The following PRELID2 variants were observed in gnomAD, a reference collection of about 807,000 sequenced individuals.
The protein encoded by PRELID2 is PRELI domain containing 2, also known as PRELI domain-containing protein 2.
In PRELID2, 25 loss-of-function variants were observed where a neutral mutation model predicts 28.4. That is an observed-to-expected ratio of 0.88 (90% CI 0.64 to 1.23). The LOEUF is 1.23. PRELID2 is among the 50% of genes most tolerant of loss of function. The pLI is 0.00. For missense variants in PRELID2, 201 were observed against 214.4 expected, an observed-to-expected ratio of 0.94 and a Z score of 0.39; for synonymous variants, 76 against 71.6, an observed-to-expected ratio of 1.06 and a Z score of -0.31.
At chr5:145,676,853 T>C (rs1397622060) in intron 1 of PRELID2, among the ~76,000 whole-genome samples, 1 of 152,098 alleles carries the variant, frequency 6.6e-6, no homozygotes, top group Non-Finnish European at 1.5e-5. Flanking sequence ...TAGCAAAATT[T>C]AGACTACAAG....
the PRELID2 span, among the ~76,000 whole-genome samples, chr5:145,235,727 C>CAT: frequency 5.9e-5 from 9 of 152,064 alleles, no homozygotes; most frequent in Non-Finnish European, 8.8e-5. Context: ...TATGTGTGTA[C>CAT]ATAGGATAAG....
intron 5 of PRELID2, among the ~76,000 whole-genome samples, chr5:145,778,257 G>T (rs1161857890): frequency 6.6e-6 from 1 of 152,118 alleles, no homozygotes; most frequent in Non-Finnish European, 1.5e-5. Context: ...ATTATCAGCT[G>T]CAGAGGGGAG....
intron 1 of PRELID2, among the ~76,000 whole-genome samples, chr5:145,588,453 G>T (rs1561511822): frequency 6.6e-6 from 1 of 151,942 alleles, no homozygotes. Context: ...GTCCCAAATC[G>T]TACTTAAGTA....
chr5:145,388,041 A>C, the PRELID2 span, among the ~76,000 whole-genome samples: 1 of 152,166 alleles, frequency 6.6e-6, no homozygotes, highest in Non-Finnish European at 1.5e-5. Flanking sequence ...ATAAAACAGA[A>C]TTCCAAACAG....
At chr5:145,348,110 A>G in the PRELID2 span, among the ~76,000 whole-genome samples, 3 of 152,184 alleles carry the variant, frequency 2.0e-5, no homozygotes, top group Non-Finnish European at 4.4e-5. Flanking sequence ...CAAGGAATCC[A>G]TGATCAGTTA....
At chr5:145,544,241 C>T (rs1275326472) in intron 1 of PRELID2, among the ~76,000 whole-genome samples, 1 of 151,952 alleles carries the variant, frequency 6.6e-6, no homozygotes, top group Non-Finnish European at 1.5e-5. Flanking sequence ...TCACTCTCTG[C>T]CTATGGGAGA....
chr5:145,824,611 T>C (rs1036528234), intron 1 of PRELID2, among the ~76,000 whole-genome samples: 7 of 152,254 alleles, frequency 4.6e-5, no homozygotes, highest in Admixed American at 1.3e-4. Flanking sequence ...CTCCTGTATC[T>C]CCAACAGCCA....
intron 1 of PRELID2, among the ~76,000 whole-genome samples, chr5:145,518,174 A>AATG (rs1345332425): frequency 8.2e-6 from 1 of 121,338 alleles, no homozygotes; most frequent in Non-Finnish European, 1.7e-5. Flanking sequence ...TAATAATAAT[A>AATG]ATAATGATGT....
chr5:145,727,279 C>T (rs1182759436), intron 1 of PRELID2, among the ~76,000 whole-genome samples: 1 of 152,140 alleles, frequency 6.6e-6, no homozygotes, highest in Non-Finnish European at 1.5e-5. Flanking sequence ...ATGCCCTGAG[C>T]CCTGGATTCT....
At chr5:145,689,968 G>C (rs950669131) in intron 1 of PRELID2, among the ~76,000 whole-genome samples, 1 of 147,278 alleles carries the variant, frequency 6.8e-6, no homozygotes, top group Non-Finnish European at 1.5e-5. Flanking sequence ...CTTACTTCCA[G>C]TTTCCTTCTG....
the PRELID2 span, among the ~76,000 whole-genome samples, chr5:145,273,187 G>A: frequency 0.068 from 10,307 of 152,166 alleles, 1,125 homozygotes; most frequent in African/African-American, 0.23. Context: ...AACTGAAAAA[G>A]TATCAGCAAG....
intron 1 of PRELID2, among the ~76,000 whole-genome samples, chr5:145,629,245 T>C (rs960687253): frequency 6.6e-6 from 1 of 152,140 alleles, no homozygotes; most frequent in Admixed American, 6.5e-5. Flanking sequence ...AAGAAGAGAT[T>C]CTAGAGCAGA....
the PRELID2 span, among the ~76,000 whole-genome samples, chr5:145,451,628 C>G: frequency 2.0e-5 from 3 of 152,168 alleles, no homozygotes; most frequent in Non-Finnish European, 1.5e-5. Context: ...CCCCTTCTTT[C>G]TATTATGGGT....
At chr5:145,804,401 T>G (rs1561628594) in intron 4 of PRELID2, among the ~76,000 whole-genome samples, 1 of 151,892 alleles carries the variant, frequency 6.6e-6, no homozygotes, top group Non-Finnish European at 1.5e-5. Flanking sequence ...ACCCAGCTAC[T>G]CGGGAGGCTG....
chr5:145,619,310 C>T (rs1753742524), intron 1 of PRELID2, among the ~76,000 whole-genome samples: 1 of 152,198 alleles, frequency 6.6e-6, no homozygotes, highest in South Asian at 2.1e-4. Flanking sequence ...GCCACGCTCC[C>T]AAAGGACCTG....
chr5:145,817,472 T>G (rs72816435), intron 4 of PRELID2, among the ~76,000 whole-genome samples: 66,694 of 130,484 alleles, frequency 0.51, 19,524 homozygotes, highest in Non-Finnish European at 0.67. Context: ...CTCAGAAACA[T>G]TCCATTAAGT....
chr5:145,337,107 TATA>T, the PRELID2 span, among the ~76,000 whole-genome samples: 39 of 149,796 alleles, frequency 2.6e-4, no homozygotes, highest in Admixed American at 3.3e-4. Flanking sequence ...AAACTTGAAG[TATA>T]ATAATAATAA....
At chr5:145,823,947 T>A (rs1046248949) in intron 1 of PRELID2, among the ~76,000 whole-genome samples, 5 of 152,174 alleles carry the variant, frequency 3.3e-5, no homozygotes, top group Non-Finnish European at 7.3e-5. Flanking sequence ...TTAGACAAAT[T>A]AGATAATTTG....
At chr5:145,418,561 G>A in the PRELID2 span, among the ~76,000 whole-genome samples, 1 of 152,042 alleles carries the variant, frequency 6.6e-6, no homozygotes, top group Non-Finnish European at 1.5e-5. Flanking sequence ...TAGACCAATG[G>A]AAAAGAATAC....
Sources: allele counts gnomAD v4.1 joint callset (sites outside exome capture counted in the v4.1 genomes callset), GRCh38; gene constraint gnomAD v4.1.1; transcripts MANE v1.5; gene names NCBI Gene and HGNC (gene_info 2026-07-23, HGNC 2026-07-21).